Variants in GFOD2 observed in about 807,000 individuals in gnomAD.
GFOD2 encodes Gfo/Idh/MocA-like oxidoreductase domain containing 2, also known as glucose-fructose oxidoreductase domain-containing protein 2.
In GFOD2, 9 loss-of-function variants were observed where a neutral mutation model predicts 24.6. The ratio of observed to expected loss-of-function variants is 0.37; its 90% CI spans 0.22 to 0.64. The LOEUF (loss-of-function observed/expected upper bound fraction) is 0.64, where lower values mean the gene tolerates loss of function less well. GFOD2 is among the 30% of genes least tolerant of loss of function. The pLI, the probability that GFOD2 is intolerant of heterozygous loss-of-function variation, is 0.65. For synonymous variants in GFOD2, 211 were observed against 224.8 expected (o/e 0.94, Z 0.55); for missense variants, 476 against 532.5 (o/e 0.89, Z 1.04).
At chr16:67,694,372 T>C (rs2053341761) in intron 1 of GFOD2, among the ~76,000 whole-genome samples, 1 of 152,150 alleles carries the variant, frequency 6.6e-6, no homozygotes, top group Non-Finnish European at 1.5e-5. Context: ...CTCAAACTCC[T>C]GGCCTCAAGC....
intron 1 of GFOD2, among the ~76,000 whole-genome samples, chr16:67,694,610 CT>C (rs1314986235): frequency 6.6e-6 from 1 of 152,100 alleles, no homozygotes; most frequent in African/African-American, 2.4e-5. Flanking sequence ...AAATTGTTTT[CT>C]CAACTTCATT....
intron 2 of GFOD2, chr16:67,681,822 A>G (rs1230626065): frequency 8.1e-6 from 8 of 985,208 alleles, no homozygotes; most frequent in African/African-American, 1.7e-5. Context: ...TTGGGTAGCC[A>G]TGAAAGACAT....
At chr16:67,708,597 G>C (rs1227418899) in intron 1 of GFOD2, among the ~76,000 whole-genome samples, 4 of 152,188 alleles carry the variant, frequency 2.6e-5, no homozygotes, top group Non-Finnish European at 5.9e-5. Context: ...GCTATTCATA[G>C]AGCATTGGTA....
chr16:67,702,849 C>T (rs929391427), intron 1 of GFOD2, among the ~76,000 whole-genome samples: 16 of 152,044 alleles, frequency 1.1e-4, no homozygotes, highest in East Asian at 3.9e-4. Flanking sequence ...CTGCCTGCCT[C>T]GGCCTCCCAA....
At chr16:67,682,273 T>C (rs964562536) in intron 2 of GFOD2, 28 of 825,346 alleles carry the variant, frequency 3.4e-5, no homozygotes, top group Non-Finnish European at 4.1e-5. Context: ...CCTGACCTTG[T>C]GATCCGCCCG....
At chr16:67,705,977 ATTTTTTTTT>A (rs905493100) in intron 1 of GFOD2, among the ~76,000 whole-genome samples, 1 of 103,614 alleles carries the variant, frequency 9.7e-6, no homozygotes, top group Admixed American at 1.0e-4. Context: ...TTTCCCTGTG[ATTTTTTTTT>A]TTTTTTTTTT....
At chr16:67,678,958 AG>A (rs1161395551) in intron 2 of GFOD2, among the ~76,000 whole-genome samples, 4 of 152,152 alleles carry the variant, frequency 2.6e-5, no homozygotes, top group African/African-American at 9.7e-5. Context: ...ACTTGAGTTC[AG>A]GAGTTCAAAA....
At chr16:67,710,553 G>C (rs767570726) in intron 1 of GFOD2, among the ~76,000 whole-genome samples, 25 of 151,894 alleles carry the variant, frequency 1.6e-4, no homozygotes, top group Non-Finnish European at 3.2e-4. Flanking sequence ...TAGTAGAGAC[G>C]GGGTTTCACC....
At chr16:67,684,778 A>G in intron 2 of GFOD2, 1 of 984,090 alleles carries the variant, frequency 1.0e-6, no homozygotes, top group Non-Finnish European at 1.2e-6. Context: ...TTAGATAAAG[A>G]GAAGAAGTTG....
chr16:67,680,641 C>A (rs538560912), intron 2 of GFOD2: 4 of 710,768 alleles, frequency 5.6e-6, no homozygotes, highest in Non-Finnish European at 5.2e-6. Context: ...TACTTATGGG[C>A]ATCTTACGTA....
Position 67,675,458 on chromosome 16 carries a change from C to T in GFOD2, c.855G>A (p.Leu285=), listed in dbSNP as rs768252296. ...GCTCAGGCAGTCCTGCGCCCACTGC[C>T]AGCGAGTCCCTCAAGAGCAGCTCCT... ...TQEELLLRDS[L]AVGAGLPEQG... Residue 285 remains leucine, a synonymous_variant, in exon 3 of 3, where the codon CTG becomes CTA. Coordinates refer to ENST00000268797, the MANE Select transcript of GFOD2 (RefSeq NM_030819.4). 4 of 1,612,316 alleles carry T rather than the reference C, an allele frequency of 2.5e-6. No homozygotes were observed. The highest frequency in any genetic ancestry group is 1.1e-5 in the South Asian group (1 of 91,090).
intron 1 of GFOD2, among the ~76,000 whole-genome samples, chr16:67,687,926 T>A (rs568868393): frequency 7.4e-4 from 113 of 152,236 alleles, no homozygotes; most frequent in Non-Finnish European, 1.3e-3. Context: ...TGCAGTGAGC[T>A]ATGACAGTGC....
intron 2 of GFOD2, chr16:67,683,816 G>A (rs983870450): frequency 5.7e-5 from 70 of 1,221,810 alleles, no homozygotes; most frequent in Middle Eastern, 3.2e-4. Context: ...TCATGGCACC[G>A]GTTCCTCGAC....
Position 67,691,509 on chromosome 16 carries a change from C to CA in GFOD2, c.-87-5708_-87-5707insT, listed in dbSNP as rs1555545728. Among the ~76,000 whole-genome samples the CA allele has an allele frequency of 3.2e-3, 405 of 126,294 alleles. 19 individuals carry two copies. The South Asian group carries it at 0.085, about 26-fold the overall frequency. The allele number at this position is 126,294 out of a possible 152,430, so 82.9% of individuals were successfully genotyped here. Reference sequence around the variant, plus strand: ...AGAAGCAAGTCACACTGTGCCTAGACCCCCCCCCAAAAAAAAAAAAATTAA... The same window carrying CA: ...AGAAGCAAGTCACACTGTGCCTAGACACCCCCCCCAAAAAAAAAAAAATTAA... On this transcript the variant is annotated intron_variant, in intron 1 of 2. Coordinates refer to ENST00000268797, the MANE Select transcript of GFOD2 (RefSeq NM_030819.4).
chr16:67,685,211 C>A, intron 2 of GFOD2: 1 of 1,418,486 alleles, frequency 7.0e-7, no homozygotes, highest in South Asian at 1.6e-5. Flanking sequence ...TCTCCAGCCC[C>A]TTGATGGCTG....
intron 1 of GFOD2, among the ~76,000 whole-genome samples, chr16:67,710,520 T>C (rs537158190): frequency 1.2e-4 from 18 of 152,096 alleles, no homozygotes; most frequent in South Asian, 4.1e-4. Flanking sequence ...CCTGCTACCA[T>C]GCCCGGCTAA....
rs1178310384 is a variant in GFOD2, at chr16:67,685,681, G to C, written c.35C>G (p.Thr12Ser). 3 of 1,613,478 alleles carry C rather than the reference G, an allele frequency of 1.9e-6. No homozygotes were observed. The highest frequency in any genetic ancestry group is 2.5e-6 in the Non-Finnish European group (3 of 1,179,948). ...GACCAGAACTCGGGCGGAGCTGCCAGTCCCAAACACGCCCACTCCTGGCAG... is the reference window on the plus strand; with the variant it reads ...GACCAGAACTCGGGCGGAGCTGCCACTCCCAAACACGCCCACTCCTGGCAG... Reference protein sequence around the residue: ...KMLPGVGVFGTGSSARVLVPL... With the variant: ...KMLPGVGVFGSGSSARVLVPL... The change falls in exon 2 of 3, where the codon ACT (threonine) becomes AGT (serine). Residue 12 changes from threonine (T) to serine (S), a missense_variant. By Grantham distance (58) the Thr-to-Ser change is moderately conservative (BLOSUM62 1). Coordinates refer to ENST00000268797, the MANE Select transcript of GFOD2 (RefSeq NM_030819.4).
chr16:67,702,088 C>T (rs2053406415), intron 1 of GFOD2, among the ~76,000 whole-genome samples: 1 of 152,140 alleles, frequency 6.6e-6, no homozygotes, highest in Non-Finnish European at 1.5e-5. Context: ...AGAACACAGT[C>T]ATACCCATTT....
At position 67,711,042 on chromosome 16, in the gene GFOD2, G is replaced by A. The variant is rs1000840715; in HGVS notation, c.-88+8121C>T. ...TTAACAGACACTCCCCTTCCCCAGA[G>A]CAGTAACCAGACCCAAAAGCATTTC... On this transcript the variant is annotated intron_variant, in intron 1 of 2. Transcript: ENST00000268797. 2.6e-5 allele frequency among the ~76,000 whole-genome samples: 4 copies of A among 152,176 alleles called. No individual in the cohort carries two copies. In the South Asian group the frequency reaches 8.3e-4, roughly 31 times the overall value.
Sources: gnomAD v4.1 joint callset for allele counts (sites outside exome capture counted in the v4.1 genomes callset) on GRCh38, gnomAD v4.1.1 for gene constraint, MANE v1.5 for transcripts, NCBI Gene and HGNC (gene_info 2026-07-23, HGNC 2026-07-21) for gene names.